Variants in CORIN observed in about 807,000 individuals in gnomAD.
The protein encoded by CORIN is corin, serine peptidase.
CORIN carries 117 observed loss-of-function variants against 125.3 expected under a neutral mutation model. The ratio of observed to expected loss-of-function variants is 0.93; its 90% CI spans 0.80 to 1.09. The LOEUF (loss-of-function observed/expected upper bound fraction) is 1.09. Ranked by LOEUF, CORIN falls within the 50% of genes least tolerant of loss-of-function variation. The pLI, the probability that CORIN is intolerant of heterozygous loss-of-function variation, is 0.00. For missense variants in CORIN, 1,253 were observed against 1,306.7 expected, an observed-to-expected ratio of 0.96 and a Z score of 0.63; for synonymous variants, 450 against 466.4, an observed-to-expected ratio of 0.96 and a Z score of 0.45.
At chr4:47,681,655 T>G (rs955837566) in intron 7 of CORIN, 7 of 152,344 alleles carry the variant, frequency 4.6e-5, no homozygotes, top group Admixed American at 4.6e-4. Context: ...TCTCATCCTT[T>G]TTCTCAAGAC....
intron 1 of CORIN, among the ~76,000 whole-genome samples, chr4:47,811,276 C>T (rs1021228767): frequency 6.6e-6 from 1 of 152,098 alleles, no homozygotes; most frequent in African/African-American, 2.4e-5. Context: ...AGCCTGGAAC[C>T]AGAGCTGATC....
At chr4:47,643,278 G>A (rs1723314614) in intron 14 of CORIN, 22 bp from the exon 15 acceptor site, 8 of 1,577,684 alleles carry the variant, frequency 5.1e-6, no homozygotes, top group Non-Finnish European at 6.9e-6. Context: ...AACAAAAAGT[G>A]AGAAGGAAAA....
intron 4 of CORIN, among the ~76,000 whole-genome samples, chr4:47,747,801 G>T (rs778171697): frequency 6.6e-6 from 1 of 152,178 alleles, no homozygotes; most frequent in African/African-American, 2.4e-5. Flanking sequence ...TTTGAAAAGT[G>T]AAGGTTTTGG....
chr4:47,754,463 C>T (rs1320592168), intron 4 of CORIN, among the ~76,000 whole-genome samples: 1 of 152,030 alleles, frequency 6.6e-6, no homozygotes, highest in Admixed American at 6.6e-5. Flanking sequence ...TTTTGTTTGA[C>T]TACTGATCTA....
At chr4:47,607,277 G>A (rs752846193) in intron 19 of CORIN, among the ~76,000 whole-genome samples, 4 of 151,978 alleles carry the variant, frequency 2.6e-5, no homozygotes, top group African/African-American at 7.3e-5. Flanking sequence ...GCATGGTGGC[G>A]GGTGCCTGTA....
chr4:47,719,497 A>G (rs1727251065), intron 5 of CORIN, among the ~76,000 whole-genome samples: 1 of 152,236 alleles, frequency 6.6e-6, no homozygotes, highest in Non-Finnish European at 1.5e-5. Flanking sequence ...ATTCTCCTTT[A>G]CTTAAATGTT....
chr4:47,770,919 T>C (rs1327888250), intron 3 of CORIN, among the ~76,000 whole-genome samples: 2 of 152,030 alleles, frequency 1.3e-5, no homozygotes, highest in Admixed American at 1.3e-4. Context: ...GATCCAAAAT[T>C]TCAGTTAGAC....
At chr4:47,809,396 C>CTTTT (rs374248975) in intron 1 of CORIN, among the ~76,000 whole-genome samples, 8 of 107,368 alleles carry the variant, frequency 7.5e-5, no homozygotes, top group East Asian at 3.0e-4. Context: ...GAATTGATTG[C>CTTTT]TTTTTTTTTT....
At chr4:47,729,790 C>T (rs370490343) in intron 5 of CORIN, among the ~76,000 whole-genome samples, 1 of 152,080 alleles carries the variant, frequency 6.6e-6, no homozygotes, top group South Asian at 2.1e-4. Context: ...GACCTTAGCG[C>T]GCACACACAC....
At chr4:47,696,114 T>C (rs1163056138) in intron 5 of CORIN, among the ~76,000 whole-genome samples, 1 of 152,256 alleles carries the variant, frequency 6.6e-6, no homozygotes, top group Non-Finnish European at 1.5e-5. Context: ...TGGATCCAGA[T>C]GAGATGACAT....
chr4:47,625,010 G>A (rs1722492810), intron 17 of CORIN, among the ~76,000 whole-genome samples: 1 of 152,020 alleles, frequency 6.6e-6, no homozygotes. Context: ...ATGTAATACA[G>A]GAAAAGCTCA....
intron 6 of CORIN, among the ~76,000 whole-genome samples, chr4:47,692,617 A>C (rs1725819205): frequency 6.6e-6 from 1 of 152,182 alleles, no homozygotes; most frequent in Admixed American, 6.5e-5. Flanking sequence ...ATTAGGGTGA[A>C]AATGTTGCTA....
intron 5 of CORIN, among the ~76,000 whole-genome samples, chr4:47,721,199 C>T (rs908859571): frequency 6.6e-6 from 1 of 152,058 alleles, no homozygotes; most frequent in Admixed American, 6.5e-5. Flanking sequence ...CACAAGAGCG[C>T]TCTATCTCTT....
At chr4:47,762,392 C>G (rs931126918) in intron 4 of CORIN, among the ~76,000 whole-genome samples, 1 of 152,096 alleles carries the variant, frequency 6.6e-6, no homozygotes, top group Admixed American at 6.5e-5. Context: ...CATTTTAATT[C>G]AGAAAATAAT....
In CORIN at chr4:47,674,449, A is replaced by C; in HGVS notation, c.1301T>G (p.Leu434Arg). 1.2e-6 allele frequency: 2 copies of C among 1,614,092 alleles called. No individual in the cohort carries two copies. Among genetic ancestry groups the C allele is most frequent in the Non-Finnish European group, 1.7e-6 (2 of 1,179,948 alleles). Residue 434 changes from leucine (L) to arginine (R), a missense_variant, in exon 10 of 22, where the codon CTT (leucine) becomes CGT (arginine). Physicochemically the swap from Leu to Arg is moderately radical, Grantham distance 102. Coordinates refer to ENST00000273857, the MANE Select transcript of CORIN (RefSeq NM_006587.4). ...GDQRCLYNPC[L>R]DSCGGSSLCD... is the part of the protein sequence containing the mutation. ...GAGAGAGCTACCACCACATGAATCA[A>C]GGCAGGGATTGTAGAGGCATCTTTG... is the stretch of plus-strand genomic sequence containing the variant.
intron 4 of CORIN, among the ~76,000 whole-genome samples, chr4:47,762,272 T>C (rs1560537396): frequency 6.6e-6 from 1 of 152,128 alleles, no homozygotes; most frequent in Non-Finnish European, 1.5e-5. Flanking sequence ...AAACATCATG[T>C]TGACACAGTA....
Position 47,828,511 on chromosome 4 carries a change from G to A in CORIN, c.63+9376C>T, listed in dbSNP as rs56295024. Among the ~76,000 whole-genome samples, 1,280 of 152,236 alleles carry A rather than the reference G, an allele frequency of 8.4e-3. 22 individuals carry two copies. Among genetic ancestry groups the A allele is most frequent in the African/African-American group, 0.03 (1,238 of 41,536 alleles). ...GAATTGGTGAACACATCTACATTCT[G>A]GGAGCACTCCAACTCCATGGGGACA... On this transcript the variant is annotated intron_variant, in intron 1 of 21. Coordinates refer to ENST00000273857, the MANE Select transcript of CORIN (RefSeq NM_006587.4).
intron 10 of CORIN, among the ~76,000 whole-genome samples, chr4:47,673,399 C>A (rs1008579601): frequency 1.3e-5 from 2 of 150,394 alleles, no homozygotes; most frequent in Non-Finnish European, 1.5e-5. Context: ...AAAGGAATAT[C>A]CTCTTGCCAA....
intron 3 of CORIN, among the ~76,000 whole-genome samples, chr4:47,784,764 AC>A (rs1730710307): frequency 6.6e-6 from 1 of 152,202 alleles, no homozygotes; most frequent in Admixed American, 6.5e-5. Context: ...TCACAATTAA[AC>A]CCATGAGGAA....
Sources: allele counts gnomAD v4.1 joint callset (sites outside exome capture counted in the v4.1 genomes callset), GRCh38; gene constraint gnomAD v4.1.1; transcripts MANE v1.5; gene names NCBI Gene and HGNC (gene_info 2026-07-23, HGNC 2026-07-21).